The following AKAP6 variants were observed in gnomAD, a reference collection of about 807,000 sequenced individuals.
AKAP6 encodes the protein A-kinase anchoring protein 6.
AKAP6 carries 58 observed loss-of-function variants against 188.5 expected under a neutral mutation model. The ratio of observed to expected loss-of-function variants is 0.31; its 90% CI spans 0.25 to 0.38. AKAP6 has a LOEUF of 0.38. AKAP6 is among the 10% of genes least tolerant of loss of function. The pLI, the probability that AKAP6 is intolerant of heterozygous loss-of-function variation, is 1.00. For missense variants in AKAP6, 2,710 were observed against 2,740.0 expected (o/e 0.99, Z 0.24); for synonymous variants, 989 against 998.6 (o/e 0.99, Z 0.18).
intron 1 of AKAP6, among the ~76,000 whole-genome samples, chr14:32,388,309 T>C (rs947929756): frequency 6.6e-6 from 1 of 152,102 alleles, no homozygotes; most frequent in African/African-American, 2.4e-5. Flanking sequence ...TTTCATTTCA[T>C]TTATCTTTTG....
chr14:32,767,691 C>G (rs1273842683), intron 11 of AKAP6, among the ~76,000 whole-genome samples: 1 of 152,122 alleles, frequency 6.6e-6, no homozygotes, highest in African/African-American at 2.4e-5. Context: ...AATGCCTATC[C>G]TCTCTTCTCT....
chr14:32,561,017 A>G (rs1359045544), intron 4 of AKAP6, among the ~76,000 whole-genome samples: 1 of 152,220 alleles, frequency 6.6e-6, no homozygotes, highest in African/African-American at 2.4e-5. Flanking sequence ...TAGAAGAGAC[A>G]GAAGTTAGTA....
intron 2 of AKAP6, among the ~76,000 whole-genome samples, chr14:32,506,377 G>A (rs1447875622): frequency 6.6e-6 from 1 of 152,062 alleles, no homozygotes; most frequent in East Asian, 1.9e-4. Flanking sequence ...ACTCACATAT[G>A]CATACATAAT....
At chr14:32,554,993 C>G (rs1039286467) in intron 4 of AKAP6, among the ~76,000 whole-genome samples, 1 of 152,210 alleles carries the variant, frequency 6.6e-6, no homozygotes, top group African/African-American at 2.4e-5. Flanking sequence ...ATGTAAATGT[C>G]TTCATATGCC....
At chr14:32,337,585 ATTATAC>A (rs964883975) in intron 1 of AKAP6, among the ~76,000 whole-genome samples, 2 of 152,104 alleles carry the variant, frequency 1.3e-5, no homozygotes, top group African/African-American at 4.8e-5. Flanking sequence ...TTTTATTATT[ATTATAC>A]TTTAAGTTTT....
At chr14:32,802,376 C>G (rs1459787609) in intron 12 of AKAP6, among the ~76,000 whole-genome samples, 1 of 152,080 alleles carries the variant, frequency 6.6e-6, no homozygotes, top group Admixed American at 6.6e-5. Context: ...CAGAAATGGG[C>G]AGAAGATATG....
chr14:32,402,854 T>A (rs1889143518), intron 1 of AKAP6, among the ~76,000 whole-genome samples: 1 of 151,984 alleles, frequency 6.6e-6, no homozygotes, highest in Admixed American at 6.6e-5. Context: ...CTCAGCCTCC[T>A]GAGTAGCTGG....
At chr14:32,577,647 A>G (rs1003781043) in intron 5 of AKAP6, among the ~76,000 whole-genome samples, 1 of 152,264 alleles carries the variant, frequency 6.6e-6, no homozygotes, top group African/African-American at 2.4e-5. Context: ...AAGAGGGTCT[A>G]CATTATCTGT....
At chr14:32,479,008 C>A (rs2138891185) in intron 2 of AKAP6, among the ~76,000 whole-genome samples, 1 of 152,076 alleles carries the variant, frequency 6.6e-6, no homozygotes, top group African/African-American at 2.4e-5. Flanking sequence ...TAAAGGACTC[C>A]TAGGAATATA....
At chr14:32,436,946 A>C (rs1047083379) in intron 2 of AKAP6, among the ~76,000 whole-genome samples, 2 of 152,154 alleles carry the variant, frequency 1.3e-5, no homozygotes, top group Admixed American at 6.5e-5. Context: ...AGTAATAAAT[A>C]TGTAAATGAG....
intron 13 of AKAP6, 101 bp from the exon 14 acceptor site, chr14:32,829,747 T>C (rs534604828): frequency 1.0e-4 from 57 of 564,158 alleles, no homozygotes; most frequent in African/African-American, 9.9e-4. Flanking sequence ...TAGCAAGTAG[T>C]CCCACAATTG....
intron 1 of AKAP6, among the ~76,000 whole-genome samples, chr14:32,407,052 C>G (rs1331559281): frequency 6.6e-6 from 1 of 152,166 alleles, no homozygotes; most frequent in Non-Finnish European, 1.5e-5. Flanking sequence ...TATTCTCCTT[C>G]CCTGGATGCC....
At chr14:32,623,352 A>T (rs1394388554) in intron 7 of AKAP6, among the ~76,000 whole-genome samples, 3 of 152,066 alleles carry the variant, frequency 2.0e-5, no homozygotes, top group Non-Finnish European at 4.4e-5. Flanking sequence ...CTTATGATTT[A>T]CTCTTGTTAG....
At chr14:32,780,898 A>G (rs1379210355) in intron 12 of AKAP6, among the ~76,000 whole-genome samples, 1 of 152,220 alleles carries the variant, frequency 6.6e-6, no homozygotes, top group African/African-American at 2.4e-5. Flanking sequence ...ACACTTATAT[A>G]CAACTCATGG....
rs534553529 is a variant in AKAP6 at position 32,834,588 on chromosome 14, A to G, written c.*4783A>G. The G allele has an allele frequency of 4.4e-5, 2 of 45,284 alleles. No individual in the cohort carries two copies. Among genetic ancestry groups the G allele is most frequent in the Admixed American group, 2.5e-4 (1 of 3,976 alleles). The allele number at this position is 45,284 out of a possible 1,614,324, so 2.8% of individuals were successfully genotyped here. On this transcript the variant is annotated 3_prime_UTR_variant, in exon 14 of 14. Coordinates refer to ENST00000280979, the MANE Select transcript of AKAP6 (RefSeq NM_004274.5). ...CATAGTTTCCCTGTGCTTTTACTCTATTTTTCTTTGGGCTTTTATAACATC... is the reference window on the plus strand; with the variant it reads ...CATAGTTTCCCTGTGCTTTTACTCTGTTTTTCTTTGGGCTTTTATAACATC...
chr14:32,569,027 G>A (rs1329611082), intron 4 of AKAP6, among the ~76,000 whole-genome samples: 1 of 152,168 alleles, frequency 6.6e-6, no homozygotes, highest in Non-Finnish European at 1.5e-5. Context: ...CATCATAAGA[G>A]TTAGGAATCT....
At chr14:32,733,157 A>C (rs2031262247) in intron 10 of AKAP6, 1 of 156,924 alleles carries the variant, frequency 6.4e-6, no homozygotes, top group Non-Finnish European at 1.4e-5. Flanking sequence ...GCCAAAAAAA[A>C]AAAAAGTTTC....
intron 4 of AKAP6, among the ~76,000 whole-genome samples, chr14:32,550,424 CA>C (rs1317196678): frequency 1.3e-5 from 2 of 152,194 alleles, no homozygotes; most frequent in Non-Finnish European, 2.9e-5. Context: ...GTTCCTTCCT[CA>C]GGCCAGCTGG....
At chr14:32,544,295 A>C (rs567496092) in intron 3 of AKAP6, among the ~76,000 whole-genome samples, 4 of 152,354 alleles carry the variant, frequency 2.6e-5, no homozygotes, top group African/African-American at 9.6e-5. Context: ...CCAGTAGGCA[A>C]AATAGGATAG....
Sources: gnomAD v4.1 joint callset for allele counts (sites outside exome capture counted in the v4.1 genomes callset) on GRCh38, gnomAD v4.1.1 for gene constraint, MANE v1.5 for transcripts, NCBI Gene and HGNC (gene_info 2026-07-23, HGNC 2026-07-21) for gene names.